RPS24: variants seen among roughly 807,000 people sequenced by gnomAD.
The protein encoded by RPS24 is small ribosomal subunit protein eS24.
For synonymous variants in RPS24, 72 were observed against 55.6 expected, an observed-to-expected ratio of 1.30 and a Z score of -1.31; for missense variants, 100 against 162.5, an observed-to-expected ratio of 0.62 and a Z score of 2.09.
At position 78,033,923 on chromosome 10, in the gene RPS24, G is replaced by A. The variant is rs1564627756; in HGVS notation, c.3+19G>A. 3 of 1,613,902 alleles carry A rather than the reference G, an allele frequency of 1.9e-6. No individual in the cohort carries two copies. Among genetic ancestry groups the A allele is most frequent in the Non-Finnish European group, 2.5e-6 (3 of 1,179,830 alleles). ...CATCATGGTGAGTCTCCCTGGGCCCGTGCAGTCATCTGCCGCGTATCCGAG... is the reference window on the plus strand; with the variant it reads ...CATCATGGTGAGTCTCCCTGGGCCCATGCAGTCATCTGCCGCGTATCCGAG... On this transcript the variant is annotated intron_variant, in intron 1 of 5. Transcript: ENST00000372360.
At chr10:78,047,326 A>G (rs912867469) in intron 4 of RPS24, among the ~76,000 whole-genome samples, 1 of 152,118 alleles carries the variant, frequency 6.6e-6, no homozygotes, top group African/African-American at 2.4e-5. Context: ...TTTGAGAACC[A>G]CTGAGCTTAG....
intron 4 of RPS24, chr10:78,037,593 T>G: frequency 5.1e-6 from 2 of 392,930 alleles, no homozygotes; most frequent in South Asian, 5.1e-5. Flanking sequence ...TCACAAGAAG[T>G]TTTAATTTTA....
chr10:78,051,156 C>T (rs980362269), intron 4 of RPS24, among the ~76,000 whole-genome samples: 1 of 152,214 alleles, frequency 6.6e-6, no homozygotes, highest in Non-Finnish European at 1.5e-5. Context: ...CGCCACTGCA[C>T]TCCAGCCTGG....
chr10:78,047,632 G>A (rs531640169), intron 4 of RPS24, among the ~76,000 whole-genome samples: 6 of 152,280 alleles, frequency 3.9e-5, no homozygotes, highest in Admixed American at 2.0e-4. Context: ...TTCGGCCCTC[G>A]TAGGGAAGCT....
At position 78,033,922 on chromosome 10, in the gene RPS24, C is replaced by A. The variant is rs781006502; in HGVS notation, c.3+18C>A. 6.2e-7 allele frequency: 1 copy of A among 1,614,070 alleles called. No individual in the cohort carries two copies. The highest frequency in any genetic ancestry group is 2.2e-5 in the East Asian group (1 of 44,876). ...CCATCATGGTGAGTCTCCCTGGGCC[C>A]GTGCAGTCATCTGCCGCGTATCCGA... On this transcript the variant is annotated intron_variant, in intron 1 of 5. Coordinates refer to ENST00000372360, the MANE Select transcript of RPS24 (RefSeq NM_033022.4).
downstream of RPS24, among the ~76,000 whole-genome samples, chr10:78,041,483 A>G (rs1268237662): frequency 1.3e-5 from 2 of 152,170 alleles, no homozygotes; most frequent in East Asian, 3.8e-4. Flanking sequence ...ATCTGCTACT[A>G]CTTTGCTAGG....
At chr10:78,035,744 T>C in intron 3 of RPS24, 24 bp downstream of exon 3, 1 of 1,582,204 alleles carries the variant, frequency 6.3e-7, no homozygotes, top group Non-Finnish European at 8.6e-7. Context: ...CATTTGTTGA[T>C]CAGCTCCTGA....
chr10:78,054,702 A>C, exon 5 of RPS24: 4 of 1,551,670 alleles, frequency 2.6e-6, no homozygotes, highest in Non-Finnish European at 3.5e-6. Context: ...GGGCTGTGGC[A>C]AGTATTTACA....
intron 4 of RPS24, chr10:78,038,739 G>A (rs1022004731): frequency 2.6e-5 from 4 of 152,022 alleles, no homozygotes; most frequent in African/African-American, 9.7e-5. Flanking sequence ...TCCCGGGCTT[G>A]GGTGATTCTC....
At chr10:78,053,908 C>T (rs1197772754) in intron 4 of RPS24, among the ~76,000 whole-genome samples, 1 of 152,076 alleles carries the variant, frequency 6.6e-6, no homozygotes, top group African/African-American at 2.4e-5. Flanking sequence ...CTACCACGAA[C>T]CAATTTGCAG....
chr10:78,051,351 G>A (rs760738899), intron 4 of RPS24, among the ~76,000 whole-genome samples: 6 of 152,156 alleles, frequency 3.9e-5, no homozygotes, highest in Non-Finnish European at 7.3e-5. Flanking sequence ...GTGTATATAG[G>A]TTTTTATGAC....
At chr10:78,035,909 A>T in intron 3 of RPS24, 189 bp downstream of exon 3, 1 of 610,606 alleles carries the variant, frequency 1.6e-6, no homozygotes, top group Non-Finnish European at 2.9e-6. Context: ...CTGACATTTG[A>T]GCTGAGTTCA....
At chr10:78,045,752 C>A (rs1167259686) in intron 4 of RPS24, among the ~76,000 whole-genome samples, 1 of 151,636 alleles carries the variant, frequency 6.6e-6, no homozygotes, top group African/African-American at 2.4e-5. Context: ...TACCTGTAAT[C>A]CCGGCACTTT....
At chr10:78,041,965 G>C (rs1325776590), downstream of RPS24, among the ~76,000 whole-genome samples, 1 of 152,186 alleles carries the variant, frequency 6.6e-6, no homozygotes, top group Non-Finnish European at 1.5e-5. Context: ...CAGTAGCCTT[G>C]GGAAGGGAGG....
chr10:78,038,147 A>G lies in RPS24; in HGVS notation c.390+843A>G, dbSNP rs890294838. ...AGTAATTGCAGTGGCAAAAACCACA[A>G]TTACTTTTGCACCAACCTAATATGT... On this transcript the variant is annotated intron_variant, in intron 4 of 5. Coordinates refer to ENST00000372360, the MANE Select transcript of RPS24 (RefSeq NM_033022.4). The G allele has an allele frequency of 3.7e-5, 12 of 324,046 alleles. No individual in the cohort carries two copies. The East Asian group carries it at 7.6e-4, about 20-fold the overall frequency. 20.1% of individuals were successfully genotyped at this position (324,046 alleles called of 1,614,324 possible).
chr10:78,040,201 C>A lies in RPS24; in HGVS notation c.391-3C>A, dbSNP rs7899453. 20,416 of 1,613,192 alleles carry A rather than the reference C, an allele frequency of 0.013. 1,931 individuals carry two copies. The African/African-American group carries it at 0.22, about 17-fold the overall frequency. On this transcript the variant is annotated splice_region_variant and splice_polypyrimidine_tract_variant and intron_variant, in intron 4 of 5. Transcript: ENST00000372360. Reference sequence around the variant, plus strand: ...CTTTTTCCCTTCCCCGCCACTGATTCAGTGAGCTGGAGATTGGATCACAGG... The same window carrying A: ...CTTTTTCCCTTCCCCGCCACTGATTAAGTGAGCTGGAGATTGGATCACAGG...
chr10:78,043,006 T>C (rs75512430), downstream of RPS24, among the ~76,000 whole-genome samples: 1 of 151,566 alleles, frequency 6.6e-6, no homozygotes, highest in Non-Finnish European at 1.5e-5. Flanking sequence ...CGCACACACA[T>C]ACACACATAT....
intron 3 of RPS24, chr10:78,035,963 A>ATTAC (rs1847857321): frequency 2.0e-6 from 1 of 510,924 alleles, no homozygotes; most frequent in South Asian, 2.1e-5. Context: ...GCTAGGGGTA[A>ATTAC]GGATTGTTTT....
chr10:78,054,230 G>A (rs1386351411), intron 4 of RPS24, among the ~76,000 whole-genome samples: 1 of 152,168 alleles, frequency 6.6e-6, no homozygotes, highest in Non-Finnish European at 1.5e-5. Flanking sequence ...GAAGGGAAGG[G>A]AAGGGTGGCC....
Sources: allele counts gnomAD v4.1 joint callset (sites outside exome capture counted in the v4.1 genomes callset), GRCh38; gene constraint gnomAD v4.1.1; transcripts MANE v1.5; gene names NCBI Gene and HGNC (gene_info 2026-07-23, HGNC 2026-07-21).